Variants in KIF21A observed in about 807,000 individuals in gnomAD.
The protein encoded by KIF21A is kinesin family member 21A.
A neutral mutation model predicts 202.9 loss-of-function variants in KIF21A; 114 were observed. The ratio of observed to expected loss-of-function variants is 0.56; its 90% confidence interval spans 0.48 to 0.66. KIF21A has a LOEUF of 0.66. Ranked by LOEUF, KIF21A falls within the 30% of genes least tolerant of loss-of-function variation. The pLI is 0.00. For synonymous variants in KIF21A, 667 were observed against 670.8 expected (o/e 0.99, Z 0.09); for missense variants, 1,677 against 1,994.9 (o/e 0.84, Z 3.04).
At chr12:39,355,835 T>G (rs1315238726) in intron 10 of KIF21A, among the ~76,000 whole-genome samples, 7 of 151,480 alleles carry the variant, frequency 4.6e-5, no homozygotes, top group Admixed American at 6.6e-5. Flanking sequence ...GTGTTTTCAT[T>G]TGTTTTTGCT....
chr12:39,300,545 G>A (rs951177122), intron 37 of KIF21A, among the ~76,000 whole-genome samples: 1 of 152,016 alleles, frequency 6.6e-6, no homozygotes, highest in African/African-American at 2.4e-5. Flanking sequence ...ACTGAATAAA[G>A]GCAGTGCTCA....
intron 34 of KIF21A, among the ~76,000 whole-genome samples, chr12:39,305,832 C>A (rs1943417200): frequency 2.0e-5 from 3 of 152,142 alleles, no homozygotes; most frequent in African/African-American, 7.2e-5. Flanking sequence ...ATTACAAAAT[C>A]AGTAACAATA....
chr12:39,302,328 GT>G, intron 36 of KIF21A, among the ~76,000 whole-genome samples: 1 of 134,446 alleles, frequency 7.4e-6, no homozygotes, highest in African/African-American at 4.0e-5. Context: ...TATGTTTCTT[GT>G]TTGTTTGGTT....
intron 1 of KIF21A, among the ~76,000 whole-genome samples, chr12:39,415,333 G>A (rs1253580844): frequency 2.1e-5 from 3 of 142,142 alleles, no homozygotes; most frequent in Non-Finnish European, 4.5e-5. Context: ...TCCGCCTCCC[G>A]GGTTCACGCC....
chr12:39,334,200 CAAAA>C (rs576176350), intron 17 of KIF21A, among the ~76,000 whole-genome samples: 190 of 63,722 alleles, frequency 3.0e-3, no homozygotes, highest in Non-Finnish European at 4.5e-3. Flanking sequence ...GACTCCATCT[CAAAA>C]AAAAAAAAAA....
chr12:39,301,961 C>T (rs1332949242), intron 36 of KIF21A, among the ~76,000 whole-genome samples: 1 of 152,148 alleles, frequency 6.6e-6, no homozygotes, highest in Non-Finnish European at 1.5e-5. Flanking sequence ...TCGAGCATCA[C>T]ATCCTCTTCA....
At chr12:39,408,791 G>A (rs1296959596) in intron 1 of KIF21A, among the ~76,000 whole-genome samples, 1 of 150,952 alleles carries the variant, frequency 6.6e-6, no homozygotes, top group Non-Finnish European at 1.5e-5. Context: ...TGTGGCAGAA[G>A]CAATAGTTGT....
intron 1 of KIF21A, among the ~76,000 whole-genome samples, chr12:39,403,707 AC>A (rs1192160596): frequency 2.0e-5 from 3 of 152,226 alleles, no homozygotes; most frequent in Non-Finnish European, 4.4e-5. Flanking sequence ...GTAGAACTCT[AC>A]ACAAACATGT....
At position 39,431,536 on chromosome 12, in the gene KIF21A, A is replaced by T. The variant is rs573655907; in HGVS notation, c.44+11391T>A. Among the ~76,000 whole-genome samples, 6 of 152,296 alleles carry T rather than the reference A, an allele frequency of 3.9e-5. No homozygotes were observed. In the East Asian group the frequency reaches 1.2e-3, roughly 29 times the overall value. ...ACTAATGGGTTGGTGGAACAAAACT[A>T]CTGCTGTGATTTACTTGTGGCTTTA... On this transcript the variant is annotated intron_variant, in intron 1 of 37. Coordinates refer to ENST00000361418, the MANE Select transcript of KIF21A (RefSeq NM_001173464.2).
Position 39,442,944 on chromosome 12 carries a change from G to C in KIF21A, c.27C>G (p.Ser9=). 1 of 1,524,160 alleles carries C rather than the reference G, an allele frequency of 6.6e-7. No individual in the cohort carries two copies. The highest frequency in any genetic ancestry group is 8.8e-7 in the Non-Finnish European group (1 of 1,142,780). 94.4% of individuals were successfully genotyped at this position (1,524,160 alleles called of 1,614,324 possible). A position where few individuals can be genotyped will look rare whatever the true frequency, so the allele number is the denominator to read the frequency against. The change falls in exon 1 of 38, where the codon TCC becomes TCG. Residue 9 remains serine, a synonymous_variant. Coordinates refer to ENST00000361418, the MANE Select transcript of KIF21A (RefSeq NM_001173464.2). This position sits in a 1 kb window ranked among gnomAD's most constrained non-coding sequence, Gnocchi z 5.0. MLGAPDES[S]VRVAVRIRPQ... ...GTCCTCACCTGACAGCCACCCGCACGGAGCTCTCGTCCGGGGCGCCCAACA... is the reference window on the plus strand; with the variant it reads ...GTCCTCACCTGACAGCCACCCGCACCGAGCTCTCGTCCGGGGCGCCCAACA...
At chr12:39,438,063 G>C (rs1310146644) in intron 1 of KIF21A, among the ~76,000 whole-genome samples, 2 of 152,116 alleles carry the variant, frequency 1.3e-5, no homozygotes, top group Admixed American at 6.6e-5. Context: ...ACCTGAGTTT[G>C]AGTTCCAATT....
At chr12:39,317,217 A>T in intron 29 of KIF21A, among the ~76,000 whole-genome samples, 1 of 152,300 alleles carries the variant, frequency 6.6e-6, no homozygotes, top group African/African-American at 2.4e-5. Context: ...ATTCTTTAAA[A>T]ACTACGGTAT....
rs1424166622 is a variant in KIF21A at position 39,436,450 on chromosome 12, T to TATATATA, written c.44+6476_44+6477insTATATAT. ...TATATATATATATATATATATATAT[T>TATATATA]TTTTTTTTTTTTAGACAGGGTTTCA... is the stretch of plus-strand genomic sequence containing the variant. On this transcript the variant is annotated intron_variant, in intron 1 of 37. Transcript: ENST00000361418. Among the ~76,000 whole-genome samples the TATATATA allele has an allele frequency of 1.3e-3, 78 of 60,808 alleles. 2 individuals are homozygous for TATATATA. The highest frequency in any genetic ancestry group is 5.2e-3 in the African/African-American group (50 of 9,660). The allele number at this position is 60,808 out of a possible 152,430, so 39.9% of individuals were successfully genotyped here.
chr12:39,408,449 G>A (rs1390809184), intron 1 of KIF21A, among the ~76,000 whole-genome samples: 1 of 152,072 alleles, frequency 6.6e-6, no homozygotes, highest in East Asian at 1.9e-4. Flanking sequence ...ACAGTTCCTA[G>A]CAGGCCACAG....
Position 39,436,422 on chromosome 12 carries a change from T to TTTTATATATAGATA in KIF21A, c.44+6504_44+6505insTATCTATATATAAA, listed in dbSNP as rs1424497663. Among the ~76,000 whole-genome samples, 243 of 99,092 alleles carry TTTTATATATAGATA rather than the reference T, an allele frequency of 2.5e-3. 1 individual carries two copies. Among genetic ancestry groups the TTTTATATATAGATA allele is most frequent in the African/African-American group, 0.011 (232 of 22,014 alleles). The allele number at this position is 99,092 out of a possible 152,430, so 65.0% of individuals were successfully genotyped here. A position where few individuals can be genotyped will look rare whatever the true frequency, so the allele number is the denominator to read the frequency against. ...TCAATAATTATAAGGGTTTACTATA[T>TTTTATATATAGATA]TATATATATATATATATATATATAT... On this transcript the variant is annotated intron_variant, in intron 1 of 37. Transcript: ENST00000361418.
At chr12:39,369,415 G>A (rs565202195) in intron 3 of KIF21A, among the ~76,000 whole-genome samples, 189 of 152,184 alleles carry the variant, frequency 1.2e-3, no homozygotes, top group African/African-American at 4.2e-3. Flanking sequence ...AGCCGAAATG[G>A]TGCCATTACA....
At chr12:39,367,795 A>C in intron 4 of KIF21A, 88 bp downstream of exon 4, 1 of 1,017,866 alleles carries the variant, frequency 9.8e-7, no homozygotes, top group Non-Finnish European at 1.5e-6. Context: ...TATAAATTTC[A>C]TATCTTGATC....
intron 10 of KIF21A, among the ~76,000 whole-genome samples, chr12:39,354,785 C>T (rs751030321): frequency 6.6e-6 from 1 of 152,126 alleles, no homozygotes; most frequent in Non-Finnish European, 1.5e-5. Context: ...ATATTCGTAA[C>T]ACTTTATACC....
At chr12:39,328,718 GGC>G (rs1008688867) in intron 24 of KIF21A, among the ~76,000 whole-genome samples, 1 of 152,274 alleles carries the variant, frequency 6.6e-6, no homozygotes, top group East Asian at 1.9e-4. Context: ...GTAGGCCTCA[GGC>G]ACACAAAAGT....
Sources: gnomAD v4.1 joint callset for allele counts (sites outside exome capture counted in the v4.1 genomes callset) on GRCh38, gnomAD v4.1.1 for gene constraint, Gnocchi (gnomAD v3.1) non-coding constraint, MANE v1.5 for transcripts, NCBI Gene and HGNC (gene_info 2026-07-23, HGNC 2026-07-21) for gene names.